GDF5: variants seen among roughly 807,000 people sequenced by gnomAD.
The protein encoded by GDF5 is growth/differentiation factor 5.
A neutral mutation model predicts 34.6 loss-of-function variants in GDF5; 17 were observed. The ratio of observed to expected loss-of-function variants is 0.49; its 90% CI spans 0.34 to 0.74. The LOEUF is 0.74. Among genes scored for constraint, GDF5 ranks in the 30% least tolerant of loss-of-function variants. The pLI, the probability that GDF5 is intolerant of heterozygous loss-of-function variation, is 0.01. For synonymous variants in GDF5, 332 were observed against 290.7 expected, an observed-to-expected ratio of 1.14 and a Z score of -1.44; for missense variants, 616 against 661.2, an observed-to-expected ratio of 0.93 and a Z score of 0.75.
chr20:35,451,092 T>TATATATATAG (rs1555824851), intron 1 of GDF5, among the ~76,000 whole-genome samples: 1 of 133,520 alleles, frequency 7.5e-6, no homozygotes, highest in Admixed American at 7.5e-5. Context: ...TATATATATA[T>TATATATATAG]ACACAAATAT....
chr20:35,438,863 A>ATGTGTGCCTGTGTGTG (rs797041759), upstream of GDF5, among the ~76,000 whole-genome samples: 1 of 144,260 alleles, frequency 6.9e-6, no homozygotes, highest in African/African-American at 2.6e-5. Flanking sequence ...GTGTGTGTTT[A>ATGTGTGCCTGTGTGTG]TGTGCCTGTG....
chr20:35,454,571 A>G (rs1447128252), intron 1 of GDF5: 1 of 154,974 alleles, frequency 6.5e-6, no homozygotes, highest in East Asian at 1.9e-4. Context: ...GGGACGGATT[A>G]AGTCAGGTAA....
rs1218420749 is a variant in GDF5, at chr20:35,438,127, G to C, written c.-199C>G. On this transcript the variant is annotated 5_prime_UTR_variant, in exon 1 of 2. Transcript: ENST00000374369. ...TGTGTTTGTATCCAGTCCCATAGTGGAAATGCTCTCGTATCCAGACGTGCA... is the reference window on the plus strand; with the variant it reads ...TGTGTTTGTATCCAGTCCCATAGTGCAAATGCTCTCGTATCCAGACGTGCA... 3.2e-6 allele frequency: 2 copies of C among 634,810 alleles called. No homozygotes were observed. Among genetic ancestry groups the C allele is most frequent in the Non-Finnish European group, 5.6e-6 (2 of 359,450 alleles). 39.3% of individuals were successfully genotyped at this position (634,810 alleles called of 1,614,324 possible).
At chr20:35,448,448 C>CCCT in intron 1 of GDF5, among the ~76,000 whole-genome samples, 1 of 86,762 alleles carries the variant, frequency 1.2e-5, no homozygotes, top group Middle Eastern at 0.016. Context: ...GCCCCCCCGA[C>CCCT]TTTTTTTTTT....
At chr20:35,453,834 C>A in intron 1 of GDF5, 1 of 501,712 alleles carries the variant, frequency 2.0e-6, no homozygotes, top group Non-Finnish European at 4.1e-6. Context: ...TTCACCCATT[C>A]ACTCAGCACT....
chr20:35,437,541 C>T lies in GDF5; in HGVS notation c.388G>A (p.Gly130Arg), dbSNP rs114550865. Residue 130 changes from glycine to arginine, a missense_variant, in exon 1 of 2, where the codon GGA becomes AGA. Coordinates refer to ENST00000374369, the MANE Select transcript of GDF5 (RefSeq NM_000557.5). ...RTVTPKGQLP[G>R]GKAPPKAGSV... ...CCTGCTTTTGGGGGTGCCTTGCCTC[C>T]GGGAAGCTGTCCTTTTGGGGTCACA... 823 of 1,614,144 alleles carry T rather than the reference C, an allele frequency of 5.1e-4. 2 individuals are homozygous for T. In the African/African-American group the frequency reaches 8.5e-3, roughly 17 times the overall value.
chr20:35,452,983 C>T (rs1353856484), intron 1 of GDF5, among the ~76,000 whole-genome samples: 2 of 152,026 alleles, frequency 1.3e-5, no homozygotes, highest in Non-Finnish European at 2.9e-5. Flanking sequence ...GGTGCGGTGG[C>T]GCATGCCTGT....
At chr20:35,440,694 AAC>A (rs1485363382), upstream of GDF5, among the ~76,000 whole-genome samples, 2 of 152,134 alleles carry the variant, frequency 1.3e-5, no homozygotes, top group Non-Finnish European at 2.9e-5. Flanking sequence ...CCCCTATCCC[AAC>A]ACAGTTTGTT....
chr20:35,439,248 T>C (rs1390897568), upstream of GDF5, among the ~76,000 whole-genome samples: 1 of 150,792 alleles, frequency 6.6e-6, no homozygotes, highest in Non-Finnish European at 1.5e-5. Flanking sequence ...TTTTTTTTTT[T>C]TTTTTTTGAG....
chr20:35,435,874 G>A (rs2062470321), intron 1 of GDF5, among the ~76,000 whole-genome samples: 2 of 152,172 alleles, frequency 1.3e-5, no homozygotes, highest in Admixed American at 1.3e-4. Context: ...ACTATTTGAA[G>A]AGCACATATA....
chr20:35,438,856 T>TGTGTGTGTGTGC (rs2062487448), upstream of GDF5, among the ~76,000 whole-genome samples: 2 of 22,900 alleles, frequency 8.7e-5, no homozygotes, highest in Admixed American at 1.6e-3. Context: ...TGTGTGTGTG[T>TGTGTGTGTGTGC]GTGTTTATGT....
At chr20:35,449,043 C>T (rs1004858944) in intron 1 of GDF5, among the ~76,000 whole-genome samples, 2 of 152,158 alleles carry the variant, frequency 1.3e-5, no homozygotes, top group Non-Finnish European at 2.9e-5. Flanking sequence ...GAGGAGTGTC[C>T]GGCATTCCTA....
chr20:35,437,650 T>C lies in GDF5; in HGVS notation c.279A>G (p.Glu93=). 1 of 1,614,022 alleles carries C rather than the reference T, an allele frequency of 6.2e-7. No individual in the cohort carries two copies. Among genetic ancestry groups the C allele is most frequent in the Non-Finnish European group, 8.5e-7 (1 of 1,179,972 alleles). The change falls in exon 1 of 2, where the codon GAA becomes GAG. Residue 93 remains glutamate, a synonymous_variant. Coordinates refer to ENST00000374369, the MANE Select transcript of GDF5 (RefSeq NM_000557.5). ...CCGGTCTGGGGGGCAGCTTTTTGGGTTCATCCTTCTTGGGCTGTGTCAGGC... is the reference window on the plus strand; with the variant it reads ...CCGGTCTGGGGGGCAGCTTTTTGGGCTCATCCTTCTTGGGCTGTGTCAGGC... ...TGGLTQPKKD[E]PKKLPPRPGG...
chr20:35,446,751 A>C (rs1356233044), intron 1 of GDF5, among the ~76,000 whole-genome samples: 2 of 152,278 alleles, frequency 1.3e-5, no homozygotes, highest in South Asian at 4.1e-4. Context: ...CCGAGCTAGA[A>C]TTCAACCCAA....
Position 35,434,736 on chromosome 20 carries a change from T to C in GDF5, c.679A>G (p.Ser227Gly), listed in dbSNP as rs1487967012. 5 of 1,611,410 alleles carry C rather than the reference T, an allele frequency of 3.1e-6. No individual in the cohort carries two copies. The highest frequency in any genetic ancestry group is 1.7e-5 in the Admixed American group (1 of 60,026). Residue 227 changes from serine (S) to glycine (G), a missense_variant, in exon 2 of 2, where the codon AGT becomes GGT. Transcript: ENST00000374369. Reference sequence around the variant, plus strand: ...AGCAGCCCATCCTTCTCCAGGGCACTAATGTCAAACACGTACCTCTGCTTC... The same window carrying C: ...AGCAGCCCATCCTTCTCCAGGGCACCAATGTCAAACACGTACCTCTGCTTC... ...VRKQRYVFDISALEKDGLLGA... is the reference protein window; with the variant it reads ...VRKQRYVFDIGALEKDGLLGA...
chr20:35,447,277 C>G (rs1017189838), intron 1 of GDF5, among the ~76,000 whole-genome samples: 1 of 151,884 alleles, frequency 6.6e-6, no homozygotes, highest in Non-Finnish European at 1.5e-5. Context: ...TTGTTCAATT[C>G]CCGCGTGTTC....
At chr20:35,450,841 C>T (rs144228056) in intron 1 of GDF5, among the ~76,000 whole-genome samples, 1 of 151,804 alleles carries the variant, frequency 6.6e-6, no homozygotes, top group Non-Finnish European at 1.5e-5. Context: ...ATGGATTCTG[C>T]ATCTCAGATT....
chr20:35,445,024 G>T (rs569472652), intron 1 of GDF5, among the ~76,000 whole-genome samples: 1 of 152,120 alleles, frequency 6.6e-6, no homozygotes, highest in Non-Finnish European at 1.5e-5. Flanking sequence ...GTGAGCCACC[G>T]TGCCTGGCCT....
chr20:35,453,846 A>C (rs1333705795), intron 1 of GDF5: 1 of 521,630 alleles, frequency 1.9e-6, no homozygotes. Flanking sequence ...CTCAGCACTT[A>C]TTGAGCACCT....
Sources: allele counts gnomAD v4.1 joint callset (sites outside exome capture counted in the v4.1 genomes callset), GRCh38; gene constraint gnomAD v4.1.1; transcripts MANE v1.5; gene names NCBI Gene and HGNC (gene_info 2026-07-23, HGNC 2026-07-21).